RAP1A: variants seen among roughly 807,000 people sequenced by gnomAD.
RAP1A encodes the protein ras-related protein Rap-1A.
In RAP1A, 6 loss-of-function variants were observed where a neutral mutation model predicts 26.4. That is an observed-to-expected ratio of 0.23 (90% CI 0.12 to 0.45). The LOEUF (loss-of-function observed/expected upper bound fraction) is 0.45. RAP1A is among the 20% of genes least tolerant of loss of function. The pLI is 0.99. For synonymous variants in RAP1A, 73 were observed against 79.4 expected (o/e 0.92, Z 0.43); for missense variants, 121 against 217.2 (o/e 0.56, Z 2.78).
Position 111,642,554 on chromosome 1 carries a change from C to G in RAP1A, c.-28+22620C>G, listed in dbSNP as rs1189902925. On this transcript the variant is annotated intron_variant, in intron 1 of 7. Coordinates refer to ENST00000369709, the MANE Select transcript of RAP1A (RefSeq NM_002884.4). ...CCAGGCTAGAGTTCAGTGGCACTATCTTAGCTCACTGCAAGCTCCGCTTCC... is the reference window on the plus strand; with the variant it reads ...CCAGGCTAGAGTTCAGTGGCACTATGTTAGCTCACTGCAAGCTCCGCTTCC... Among the ~76,000 whole-genome samples the G allele has an allele frequency of 2.0e-5, 3 of 150,760 alleles. 1 individual carries two copies. The highest frequency in any genetic ancestry group is 4.9e-5 in the African/African-American group (2 of 40,912).
intron 1 of RAP1A, among the ~76,000 whole-genome samples, chr1:111,667,765 C>T (rs1207111527): frequency 2.6e-5 from 4 of 151,878 alleles, no homozygotes; most frequent in African/African-American, 9.7e-5. Context: ...AAATGAAGGT[C>T]CCATTTTACA....
At chr1:111,691,551 C>T in intron 2 of RAP1A, 134 bp downstream of exon 2, 1 of 739,886 alleles carries the variant, frequency 1.4e-6, no homozygotes, top group Non-Finnish European at 2.3e-6. Flanking sequence ...CCACAAAGGA[C>T]AGGAAATCAT....
chr1:111,549,853 A>G (rs959743726), intron 1 of RAP1A, among the ~76,000 whole-genome samples: 3 of 151,930 alleles, frequency 2.0e-5, no homozygotes, highest in East Asian at 3.9e-4. Flanking sequence ...GGGTGTTGCT[A>G]TGTTGCACAG....
intron 1 of RAP1A, among the ~76,000 whole-genome samples, chr1:111,546,599 T>C (rs1208102117): frequency 6.6e-6 from 1 of 152,180 alleles, no homozygotes; most frequent in East Asian, 1.9e-4. Flanking sequence ...TGTGTCAGAA[T>C]TTTCATCCTT....
intron 1 of RAP1A, among the ~76,000 whole-genome samples, chr1:111,559,105 T>G (rs1455581894): frequency 6.6e-6 from 1 of 152,152 alleles, no homozygotes; most frequent in Non-Finnish European, 1.5e-5. Context: ...TTCTTTAGAA[T>G]TTGAAAATAT....
At chr1:111,617,380 T>G (rs1659034758), upstream of RAP1A, among the ~76,000 whole-genome samples, 1 of 152,128 alleles carries the variant, frequency 6.6e-6, no homozygotes, top group South Asian at 2.1e-4. Flanking sequence ...ATCCAATTGC[T>G]TCTCACCTAT....
intron 1 of RAP1A, among the ~76,000 whole-genome samples, chr1:111,549,126 G>T (rs921873590): frequency 1.9e-4 from 29 of 152,052 alleles, no homozygotes; most frequent in African/African-American, 7.0e-4. Context: ...AATGGATATT[G>T]GTCTGTTATT....
intron 6 of RAP1A, among the ~76,000 whole-genome samples, chr1:111,705,267 G>A (rs72690790): frequency 0.13 from 19,237 of 152,104 alleles, 1,540 homozygotes; most frequent in South Asian, 0.18. Context: ...CTTTCCTGCC[G>A]TTGCTTTTGC....
At chr1:111,650,093 C>CTTTTTTTTT (rs57681662) in intron 1 of RAP1A, among the ~76,000 whole-genome samples, 107 of 75,830 alleles carry the variant, frequency 1.4e-3, no homozygotes, top group Non-Finnish European at 1.6e-3. Context: ...TGGTAGAGTG[C>CTTTTTTTTT]TTTTTTTTTT....
chr1:111,707,363 C>T (rs1034076599), intron 6 of RAP1A, among the ~76,000 whole-genome samples: 1 of 152,090 alleles, frequency 6.6e-6, no homozygotes, highest in African/African-American at 2.4e-5. Flanking sequence ...ATATTTTACT[C>T]TTAAAATGTA....
intron 1 of RAP1A, among the ~76,000 whole-genome samples, chr1:111,578,357 T>A (rs1658186081): frequency 6.6e-6 from 1 of 152,090 alleles, no homozygotes; most frequent in Non-Finnish European, 1.5e-5. Flanking sequence ...CAAGGTCAAC[T>A]CACAGAGGGT....
intron 1 of RAP1A, among the ~76,000 whole-genome samples, chr1:111,655,204 T>C (rs13059): frequency 0.3 from 43,456 of 143,982 alleles, 7,103 homozygotes; most frequent in East Asian, 0.48. Context: ...AAAATGACCA[T>C]GGGAAACATA....
At chr1:111,706,386 C>T (rs1295436023) in intron 6 of RAP1A, among the ~76,000 whole-genome samples, 1 of 151,756 alleles carries the variant, frequency 6.6e-6, no homozygotes, top group Non-Finnish European at 1.5e-5. Flanking sequence ...CAAAAATTCA[C>T]CTCTTGGCCT....
chr1:111,628,855 T>A (rs1267166568), intron 1 of RAP1A, among the ~76,000 whole-genome samples: 1 of 152,166 alleles, frequency 6.6e-6, no homozygotes, highest in Non-Finnish European at 1.5e-5. Context: ...ATTGTTTTTT[T>A]AAAAATTGAA....
At chr1:111,590,194 A>G (rs182486558) in intron 1 of RAP1A, among the ~76,000 whole-genome samples, 102 of 152,242 alleles carry the variant, frequency 6.7e-4, no homozygotes, top group African/African-American at 2.4e-3. Flanking sequence ...TCAATTTTCT[A>G]TGTAGATAAT....
rs191454690 is a variant in RAP1A at position 111,706,121 on chromosome 1, A to G, written c.468+1635A>G. Among the ~76,000 whole-genome samples, 3 of 152,344 alleles carry G rather than the reference A, an allele frequency of 2.0e-5. No individual in the cohort carries two copies. The East Asian group carries it at 5.8e-4, about 29-fold the overall frequency. On this transcript the variant is annotated intron_variant, in intron 6 of 7. Coordinates refer to ENST00000369709, the MANE Select transcript of RAP1A (RefSeq NM_002884.4). ...TAAACGAGGGTTTATAAAAACAAACATAGAAAAACCATAAAATGAAATGCA... is the reference window on the plus strand; with the variant it reads ...TAAACGAGGGTTTATAAAAACAAACGTAGAAAAACCATAAAATGAAATGCA...
chr1:111,626,508 AT>A (rs972519770), intron 1 of RAP1A, among the ~76,000 whole-genome samples: 6 of 152,030 alleles, frequency 3.9e-5, no homozygotes, highest in Non-Finnish European at 8.8e-5. Flanking sequence ...GGATGTTAAT[AT>A]TTTTTTCTAC....
At chr1:111,703,992 C>T (rs1165202791) in intron 5 of RAP1A, among the ~76,000 whole-genome samples, 1 of 151,962 alleles carries the variant, frequency 6.6e-6, no homozygotes, top group African/African-American at 2.4e-5. Context: ...TAGTAGAGAC[C>T]AGGTCTCACT....
intron 1 of RAP1A, among the ~76,000 whole-genome samples, chr1:111,654,612 A>G (rs1660391169): frequency 6.6e-6 from 1 of 152,088 alleles, no homozygotes; most frequent in South Asian, 2.1e-4. Flanking sequence ...TAAATTGACT[A>G]AAAGTAAAAT....
Sources: allele counts gnomAD v4.1 joint callset (sites outside exome capture counted in the v4.1 genomes callset), GRCh38; gene constraint gnomAD v4.1.1; transcripts MANE v1.5; gene names NCBI Gene and HGNC (gene_info 2026-07-23, HGNC 2026-07-21).